DGKB: variants seen among roughly 807,000 people sequenced by gnomAD.
DGKB encodes 90 kDa diacylglycerol kinase.
Under a neutral mutation model 114.3 loss-of-function variants are expected in DGKB, and 67 were observed. The observed-to-expected ratio is 0.59, with a 90% CI of 0.48 to 0.72. The LOEUF is 0.72. Among genes scored for constraint, DGKB ranks in the 30% least tolerant of loss-of-function variants. The pLI, the probability that DGKB is intolerant of heterozygous loss-of-function variation, is 0.00. For missense variants in DGKB, 907 were observed against 975.2 expected (o/e 0.93, Z 0.93); for synonymous variants, 398 against 323.1 (o/e 1.23, Z -2.49).
At chr7:14,757,633 TA>T (rs1252801244) in intron 3 of DGKB, 21 bp downstream of exon 3, 6 of 1,413,204 alleles carry the variant, frequency 4.2e-6, no homozygotes, top group Non-Finnish European at 5.9e-6. Context: ...ACGAAACTGA[TA>T]TAAAGAAAAA....
intron 20 of DGKB, among the ~76,000 whole-genome samples, chr7:14,517,242 C>T (rs1181973065): frequency 2.0e-5 from 3 of 152,130 alleles, no homozygotes; most frequent in African/African-American, 7.2e-5. Context: ...GCTGGAATAA[C>T]TGACTAGCCA....
At chr7:14,895,824 T>C (rs895165936) in intron 1 of DGKB, among the ~76,000 whole-genome samples, 2 of 151,632 alleles carry the variant, frequency 1.3e-5, no homozygotes, top group African/African-American at 2.4e-5. Flanking sequence ...CCATACACAC[T>C]AGGGAAGGCA....
intron 20 of DGKB, among the ~76,000 whole-genome samples, chr7:14,499,470 G>C (rs1427853932): frequency 6.6e-6 from 1 of 151,678 alleles, no homozygotes; most frequent in East Asian, 1.9e-4. Context: ...ACCCCCGAAA[G>C]ATTAGTTTTG....
intron 1 of DGKB, among the ~76,000 whole-genome samples, chr7:14,852,966 C>T (rs1849607108): frequency 6.6e-6 from 1 of 152,114 alleles, no homozygotes; most frequent in South Asian, 2.1e-4. Flanking sequence ...ACCAATTATA[C>T]AATTTTTTCT....
chr7:14,205,432 C>A (rs1325931979), intron 23 of DGKB, among the ~76,000 whole-genome samples: 1 of 151,850 alleles, frequency 6.6e-6, no homozygotes, highest in Non-Finnish European at 1.5e-5. Flanking sequence ...CACCTCATAT[C>A]ATCTCTTCTG....
intron 23 of DGKB, among the ~76,000 whole-genome samples, chr7:14,329,368 G>A (rs989110973): frequency 1.3e-5 from 2 of 151,812 alleles, no homozygotes; most frequent in Admixed American, 1.3e-4. Flanking sequence ...TAAAATAAAA[G>A]TCTGATATCT....
chr7:14,746,564 T>C (rs1833318242), intron 4 of DGKB, among the ~76,000 whole-genome samples: 1 of 152,140 alleles, frequency 6.6e-6, no homozygotes, highest in South Asian at 2.1e-4. Flanking sequence ...AATGGCGTGA[T>C]CTTGGCTCAC....
At chr7:14,842,196 T>C (rs1440087685) in intron 1 of DGKB, among the ~76,000 whole-genome samples, 1 of 152,230 alleles carries the variant, frequency 6.6e-6, no homozygotes, top group African/African-American at 2.4e-5. Flanking sequence ...GAGTTACTTT[T>C]TTGTAAAATT....
intron 1 of DGKB, among the ~76,000 whole-genome samples, chr7:14,931,851 G>C (rs1232738219): frequency 6.6e-6 from 1 of 152,070 alleles, no homozygotes. Flanking sequence ...GGGTGGGTCG[G>C]GGGGTGGGGA....
intron 2 of DGKB, among the ~76,000 whole-genome samples, chr7:14,813,837 T>C (rs993636308): frequency 1.3e-5 from 2 of 152,180 alleles, no homozygotes; most frequent in Admixed American, 6.6e-5. Context: ...CACATTTTCA[T>C]TGGTGTTATC....
chr7:14,841,047 C>T, intron 2 of DGKB, 147 bp downstream of exon 2: 1 of 609,480 alleles, frequency 1.6e-6, no homozygotes. Context: ...AAAAGGTAGT[C>T]TCAAGTCAAC....
intron 1 of DGKB, among the ~76,000 whole-genome samples, chr7:14,924,589 T>C (rs1357703248): frequency 1.3e-5 from 2 of 152,184 alleles, no homozygotes; most frequent in African/African-American, 4.8e-5. Flanking sequence ...AGATCTATCT[T>C]AATAGTTCAC....
At chr7:14,331,297 C>T (rs1411100331) in intron 23 of DGKB, among the ~76,000 whole-genome samples, 1 of 151,972 alleles carries the variant, frequency 6.6e-6, no homozygotes, top group Non-Finnish European at 1.5e-5. Context: ...ACAGTTTTAA[C>T]AACCAGGTGT....
intron 2 of DGKB, among the ~76,000 whole-genome samples, chr7:14,768,083 G>T (rs1433100426): frequency 1.3e-5 from 2 of 151,932 alleles, no homozygotes; most frequent in African/African-American, 4.8e-5. Flanking sequence ...TATCCTGTGA[G>T]CATATACATT....
chr7:14,859,663 C>G (rs1850688304), intron 1 of DGKB, among the ~76,000 whole-genome samples: 1 of 152,068 alleles, frequency 6.6e-6, no homozygotes, highest in Non-Finnish European at 1.5e-5. Flanking sequence ...ATTCTCTATC[C>G]AACCCTCTGA....
intron 1 of DGKB, among the ~76,000 whole-genome samples, chr7:14,962,476 TATAA>T: frequency 6.6e-6 from 1 of 152,314 alleles, no homozygotes; most frequent in Middle Eastern, 3.4e-3. Context: ...TGTTCATATT[TATAA>T]ATAGACGCTT....
intron 25 of DGKB, among the ~76,000 whole-genome samples, chr7:14,158,690 C>T (rs1236521639): frequency 6.6e-6 from 1 of 152,134 alleles, no homozygotes; most frequent in Non-Finnish European, 1.5e-5. Flanking sequence ...ATTGATATTT[C>T]TAACAATGTG....
chr7:14,793,871 TA>T, intron 2 of DGKB, among the ~76,000 whole-genome samples: 1 of 152,234 alleles, frequency 6.6e-6, no homozygotes, highest in Non-Finnish European at 1.5e-5. Context: ...CACCCCACTG[TA>T]AGTGAGCATT....
intron 4 of DGKB, among the ~76,000 whole-genome samples, chr7:14,741,584 C>A (rs944741770): frequency 2.0e-5 from 3 of 152,156 alleles, no homozygotes; most frequent in Non-Finnish European, 4.4e-5. Flanking sequence ...TGGCAAATAC[C>A]TGTGTGACTT....
Sources: gnomAD v4.1 joint callset for allele counts (sites outside exome capture counted in the v4.1 genomes callset) on GRCh38, gnomAD v4.1.1 for gene constraint, MANE v1.5 for transcripts, NCBI Gene and HGNC (gene_info 2026-07-23, HGNC 2026-07-21) for gene names.